Variants in NCOA2 observed in about 807,000 individuals in gnomAD.
NCOA2 encodes class E basic helix-loop-helix protein 75.
In NCOA2, 21 loss-of-function variants were observed where a neutral mutation model predicts 145.1. The observed-to-expected ratio is 0.14, with a 90% confidence interval of 0.10 to 0.21. The LOEUF is 0.21. Among genes scored for constraint, NCOA2 ranks in the 10% least tolerant of loss-of-function variants. The probability of loss-of-function intolerance (pLI) is 1.00; values close to 1 mark genes in which losing one functional copy is unlikely to be tolerated. For synonymous variants in NCOA2, 619 were observed against 637.5 expected, an observed-to-expected ratio of 0.97 and a Z score of 0.44; for missense variants, 1,472 against 1,837.6, an observed-to-expected ratio of 0.80 and a Z score of 3.64.
intron 2 of NCOA2, among the ~76,000 whole-genome samples, chr8:70,254,635 G>A (rs1823483398): frequency 7.0e-6 from 1 of 142,818 alleles, no homozygotes; most frequent in Non-Finnish European, 1.5e-5. Context: ...CCTCTTACAT[G>A]AGGTAGTCAA....
intron 2 of NCOA2, among the ~76,000 whole-genome samples, chr8:70,250,896 T>TA (rs1823111447): frequency 6.6e-6 from 1 of 152,220 alleles, no homozygotes; most frequent in Admixed American, 6.5e-5. Flanking sequence ...TAAAACCTGA[T>TA]AAAATATCAT....
At chr8:70,269,498 C>T (rs1824878379) in intron 2 of NCOA2, among the ~76,000 whole-genome samples, 2 of 152,064 alleles carry the variant, frequency 1.3e-5, no homozygotes, top group African/African-American at 4.8e-5. Flanking sequence ...AAAAGAATGT[C>T]AGTCGGGATC....
chr8:70,339,221 A>G (rs942355844), intron 1 of NCOA2, among the ~76,000 whole-genome samples: 2 of 152,158 alleles, frequency 1.3e-5, no homozygotes, highest in African/African-American at 2.4e-5. Context: ...TAAACTGATA[A>G]GCAACTTCAG....
intron 1 of NCOA2, among the ~76,000 whole-genome samples, chr8:70,314,644 A>G (rs1805436040): frequency 6.6e-6 from 1 of 152,220 alleles, no homozygotes; most frequent in African/African-American, 2.4e-5. Flanking sequence ...CATTTCCTAA[A>G]TGTAAAATAT....
At chr8:70,203,592 A>G (rs1285220034) in intron 4 of NCOA2, among the ~76,000 whole-genome samples, 2 of 152,162 alleles carry the variant, frequency 1.3e-5, no homozygotes, top group Admixed American at 1.3e-4. Context: ...AAAAAAAGAA[A>G]TAAGAAAGAA....
intron 2 of NCOA2, among the ~76,000 whole-genome samples, chr8:70,233,243 C>T (rs941114802): frequency 5.3e-5 from 8 of 151,800 alleles, no homozygotes; most frequent in East Asian, 3.9e-4. Context: ...AAAGATAATA[C>T]GTGTCATATA....
chr8:70,381,614 A>G (rs960154501), intron 1 of NCOA2, among the ~76,000 whole-genome samples: 1 of 152,264 alleles, frequency 6.6e-6, no homozygotes, highest in African/African-American at 2.4e-5. Context: ...TATAATTACC[A>G]AATGTAAAAT....
intron 10 of NCOA2, among the ~76,000 whole-genome samples, chr8:70,159,224 A>ATT (rs1812626071): frequency 1.6e-5 from 1 of 64,006 alleles, no homozygotes; most frequent in Non-Finnish European, 2.9e-5. Context: ...GTATAACATT[A>ATT]TATATATATA....
Position 70,129,609 on chromosome 8 carries a change from G to A in NCOA2, c.3325-629C>T, listed in dbSNP as rs540682426. ...TTCTGTGGCTGTCAGGATTTCCTAC[G>A]TGCCCCACATTTTGCCATCATCCTC... On this transcript the variant is annotated intron_variant, in intron 16 of 22. Transcript: ENST00000452400. Among the ~76,000 whole-genome samples, 193 of 152,104 alleles carry A rather than the reference G, an allele frequency of 1.3e-3. 1 individual carries two copies. Among genetic ancestry groups the A allele is most frequent in the Non-Finnish European group, 1.1e-3 (72 of 68,004 alleles).
intron 1 of NCOA2, among the ~76,000 whole-genome samples, chr8:70,373,326 T>C (rs1000574504): frequency 3.3e-5 from 5 of 152,204 alleles, no homozygotes; most frequent in Non-Finnish European, 5.9e-5. Context: ...ATTTCCCTGA[T>C]GGTTTATGGT....
intron 4 of NCOA2, among the ~76,000 whole-genome samples, chr8:70,180,821 C>T (rs1815390857): frequency 6.6e-6 from 1 of 152,232 alleles, no homozygotes; most frequent in South Asian, 2.1e-4. Context: ...ATCCTCCTGA[C>T]TCAGCCTCCT....
At position 70,312,819 on chromosome 8, in the gene NCOA2, ATCT is replaced by A. The variant is rs1292619670; in HGVS notation, c.-76-16022_-76-16020del. On this transcript the variant is annotated intron_variant, in intron 1 of 22. Transcript: ENST00000452400. ...TTGGAATAGAGAACTATGGTAAAAA[ATCT>A]TCTCGTAATCTTAAAGTGTACTCTC... Among the ~76,000 whole-genome samples, 4 of 152,180 alleles carry A rather than the reference ATCT, an allele frequency of 2.6e-5. No individual in the cohort carries two copies. The East Asian group carries it at 7.7e-4, about 29-fold the overall frequency.
intron 1 of NCOA2, among the ~76,000 whole-genome samples, chr8:70,369,034 T>C (rs1167303393): frequency 6.6e-6 from 1 of 152,256 alleles, no homozygotes; most frequent in African/African-American, 2.4e-5. Flanking sequence ...TAATTCCATT[T>C]CTGTCCCATT....
At chr8:70,406,937 T>C (rs544656228), upstream of NCOA2, among the ~76,000 whole-genome samples, 11 of 152,352 alleles carry the variant, frequency 7.2e-5, no homozygotes, top group South Asian at 2.3e-3. Context: ...TGTAAGTTAC[T>C]GTGTGACCTC....
At chr8:70,448,802 T>A in the NCOA2 span, among the ~76,000 whole-genome samples, 1 of 118,074 alleles carries the variant, frequency 8.5e-6, no homozygotes, top group Non-Finnish European at 1.7e-5. Context: ...ACTTGTTGCC[T>A]GGCTTTTTTT....
At chr8:70,168,176 G>C (rs1813847716) in intron 6 of NCOA2, among the ~76,000 whole-genome samples, 1 of 152,268 alleles carries the variant, frequency 6.6e-6, no homozygotes, top group East Asian at 1.9e-4. Flanking sequence ...CATGGCCACT[G>C]GGCTGTAGAA....
At chr8:70,285,398 C>T (rs1826167293) in intron 2 of NCOA2, among the ~76,000 whole-genome samples, 1 of 152,188 alleles carries the variant, frequency 6.6e-6, no homozygotes, top group Non-Finnish European at 1.5e-5. Flanking sequence ...CATTTTCCTA[C>T]CTTTTGGCAC....
chr8:70,145,220 C>T (rs768150430), intron 12 of NCOA2, among the ~76,000 whole-genome samples: 16 of 152,324 alleles, frequency 1.1e-4, no homozygotes, highest in Non-Finnish European at 2.1e-4. Flanking sequence ...TGCAATGGCA[C>T]GATCTCGGCT....
rs565286712 is a variant in NCOA2, at chr8:70,252,600, A to G, written c.-19-35836T>C. ...TCCTATGTATTAACTTTTCCCAAAT[A>G]GAGTCAAAAGAAAGTGACAATCACA... On this transcript the variant is annotated intron_variant, in intron 2 of 22. Transcript: ENST00000452400. 2.0e-5 allele frequency among the ~76,000 whole-genome samples: 3 copies of G among 152,288 alleles called. No homozygotes were observed. The South Asian group carries it at 6.2e-4, about 32-fold the overall frequency.
Sources: allele counts gnomAD v4.1 joint callset (sites outside exome capture counted in the v4.1 genomes callset), GRCh38; gene constraint gnomAD v4.1.1; transcripts MANE v1.5; gene names NCBI Gene and HGNC (gene_info 2026-07-23, HGNC 2026-07-21).